The following PCDHGA7 variants were observed in gnomAD, a reference collection of about 807,000 sequenced individuals.
PCDHGA7 encodes the protein protocadherin gamma subfamily A, 7.
A neutral mutation model predicts 58.3 loss-of-function variants in PCDHGA7; 44 were observed. The observed-to-expected ratio is 0.75, with a 90% CI of 0.59 to 0.97. The LOEUF is 0.97. Among genes scored for constraint, PCDHGA7 ranks in the 50% least tolerant of loss-of-function variants. The pLI, the probability that PCDHGA7 is intolerant of heterozygous loss-of-function variation, is 0.00. For missense variants in PCDHGA7, 1,266 were observed against 1,188.7 expected, an observed-to-expected ratio of 1.06 and a Z score of -0.96; for synonymous variants, 516 against 504.2, an observed-to-expected ratio of 1.02 and a Z score of -0.31.
In PCDHGA7 at chr5:141,393,591, C is replaced by T. The variant is rs369860953; in HGVS notation, c.2424+8268C>T. On this transcript the variant is annotated intron_variant, in intron 1 of 3. Coordinates refer to ENST00000518325, the MANE Select transcript of PCDHGA7 (RefSeq NM_018920.4). ...CCTTGAGAACATGCCCCCAGGCACG[C>T]GGCTGCTTACTGTAACAGCCAGCGA... The T allele has an allele frequency of 1.8e-5, 29 of 1,613,882 alleles. No homozygotes were observed. The Middle Eastern group carries it at 4.9e-4, about 28-fold the overall frequency.
chr5:141,390,321 C>A (rs776100029), intron 1 of PCDHGA7: 1 of 1,606,964 alleles, frequency 6.2e-7, no homozygotes, highest in Non-Finnish European at 8.5e-7. Context: ...TCATTGCCTA[C>A]CCATTTCTCC....
intron 1 of PCDHGA7, among the ~76,000 whole-genome samples, chr5:141,471,992 C>T (rs2099268578): frequency 6.6e-6 from 1 of 152,070 alleles, no homozygotes; most frequent in Non-Finnish European, 1.5e-5. Flanking sequence ...TATTAAAAAT[C>T]CCTGCATCGT....
intron 1 of PCDHGA7, among the ~76,000 whole-genome samples, chr5:141,439,537 C>T (rs1404605731): frequency 6.6e-6 from 1 of 152,206 alleles, no homozygotes; most frequent in African/African-American, 2.4e-5. Flanking sequence ...GAACGCTGTC[C>T]TCTCATTTCT....
intron 1 of PCDHGA7, among the ~76,000 whole-genome samples, chr5:141,438,872 G>T (rs13178044): frequency 0.11 from 16,734 of 151,118 alleles, 1,094 homozygotes; most frequent in African/African-American, 0.17. Flanking sequence ...CATCAAGTTG[G>T]CCAGGCTGCT....
intron 1 of PCDHGA7, chr5:141,410,157 C>T: frequency 6.2e-7 from 1 of 1,613,546 alleles, no homozygotes; most frequent in Non-Finnish European, 8.5e-7. Context: ...GGTGGACAGC[C>T]GCCACTCTCT....
chr5:141,420,187 C>G (rs1369031488), intron 1 of PCDHGA7: 1 of 1,613,706 alleles, frequency 6.2e-7, no homozygotes, highest in East Asian at 2.2e-5. Context: ...ATTGTCCAGC[C>G]ACACAAGATA....
Position 141,418,737 on chromosome 5 carries a change from C to T in PCDHGA7, c.2424+33414C>T, listed in dbSNP as rs768683069. 7.4e-6 allele frequency: 12 copies of T among 1,613,960 alleles called. No homozygotes were observed. The South Asian group carries it at 1.3e-4, about 18-fold the overall frequency. ...GCTGACAAAGCTCAGCACGTGTTCT[C>T]TCTGGATTACACTACAGGAAACATT... On this transcript the variant is annotated intron_variant, in intron 1 of 3. Coordinates refer to ENST00000518325, the MANE Select transcript of PCDHGA7 (RefSeq NM_018920.4).
chr5:141,403,196 G>C lies in PCDHGA7; in HGVS notation c.2424+17873G>C, dbSNP rs762413220. 13 of 1,613,868 alleles carry C rather than the reference G, an allele frequency of 8.1e-6. No individual in the cohort carries two copies. The highest frequency in any genetic ancestry group is 1.6e-4 in the Middle Eastern group (1 of 6,078). On this transcript the variant is annotated intron_variant, in intron 1 of 3. Transcript: ENST00000518325. ...GCTTTTCTCTCTGAACCCGCGCAGC[G>C]GCACCTTGGTCACCGCGGGTAGGAT...
intron 1 of PCDHGA7, chr5:141,398,388 C>G: frequency 6.9e-7 from 1 of 1,454,974 alleles, no homozygotes; most frequent in African/African-American, 1.4e-5. Flanking sequence ...TGCTTGTGAG[C>G]AGCAGGCTAG....
intron 1 of PCDHGA7, among the ~76,000 whole-genome samples, chr5:141,483,057 C>T (rs1329609397): frequency 6.6e-6 from 1 of 152,028 alleles, no homozygotes; most frequent in African/African-American, 2.4e-5. Flanking sequence ...TGCACTCCAG[C>T]ATGGGCAACA....
intron 1 of PCDHGA7, chr5:141,409,471 A>G (rs2095271616): frequency 1.2e-6 from 2 of 1,613,860 alleles, no homozygotes; most frequent in Non-Finnish European, 1.7e-6. Flanking sequence ...TCACCATCGT[A>G]GCCACTGACA....
chr5:141,383,553 C>T lies in PCDHGA7; in HGVS notation c.654C>T (p.Gly218=), dbSNP rs765903383. Residue 218 remains glycine, a synonymous_variant, in exon 1 of 4, where the codon GGC becomes GGT. Coordinates refer to ENST00000518325, the MANE Select transcript of PCDHGA7 (RefSeq NM_018920.4). ...HHLVLTASDG[G]DPPRSSTAHI... is the part of the protein sequence containing the mutation. ...TGGTCCTCACAGCCTCTGATGGCGG[C>T]GACCCGCCCCGATCCAGCACCGCCC... 3 of 1,612,130 alleles carry T rather than the reference C, an allele frequency of 1.9e-6. No individual in the cohort carries two copies. The highest frequency in any genetic ancestry group is 2.2e-5 in the South Asian group (2 of 90,882).
intron 1 of PCDHGA7, among the ~76,000 whole-genome samples, chr5:141,452,165 C>G (rs917431071): frequency 2.6e-5 from 4 of 152,120 alleles, no homozygotes; most frequent in African/African-American, 9.7e-5. Flanking sequence ...TATTCTATTA[C>G]TAACATTTTT....
chr5:141,418,517 C>G, intron 1 of PCDHGA7: 1 of 1,613,918 alleles, frequency 6.2e-7, no homozygotes. Flanking sequence ...TGGTGGGGAC[C>G]CTCCCCGAAG....
rs1212381177 is a variant in PCDHGA7 at position 141,438,571 on chromosome 5, TATACATAC to T, written c.2424+53264_2424+53271del. On this transcript the variant is annotated intron_variant, in intron 1 of 3. Coordinates refer to ENST00000518325, the MANE Select transcript of PCDHGA7 (RefSeq NM_018920.4). Reference sequence around the variant, plus strand: ...GCCCTAATAAGAGGCAGCTGTCTGATATACATACATACATACATACATATATATATATA... The same window carrying T: ...GCCCTAATAAGAGGCAGCTGTCTGATATACATACATACATATATATATATA... Among the ~76,000 whole-genome samples the T allele has an allele frequency of 2.8e-4, 26 of 94,536 alleles. 1 individual carries two copies. Among genetic ancestry groups the T allele is most frequent in the South Asian group, 1.0e-3 (3 of 2,950 alleles). 62.0% of individuals were successfully genotyped at this position (94,536 alleles called of 152,430 possible). A position where few individuals can be genotyped will look rare whatever the true frequency, so the allele number is the denominator to read the frequency against.
In PCDHGA7 at chr5:141,491,607, T is replaced by G; in HGVS notation, c.2425-3200T>G. On this transcript the variant is annotated intron_variant, in intron 1 of 3. Coordinates refer to ENST00000518325, the MANE Select transcript of PCDHGA7 (RefSeq NM_018920.4). The surrounding 1 kb of genome is among the most constrained non-coding windows in gnomAD (Gnocchi z 6.9). ...CCTCGGACGGCAGTGACTTCACTTT[T>G]CTAAGACCCCTCAGCGTTCAGCAGC... 6.2e-7 allele frequency: 1 copy of G among 1,613,932 alleles called. No homozygotes were observed. The highest frequency in any genetic ancestry group is 1.1e-5 in the South Asian group (1 of 91,084).
At chr5:141,435,800 A>G (rs530461064) in intron 1 of PCDHGA7, among the ~76,000 whole-genome samples, 20 of 152,128 alleles carry the variant, frequency 1.3e-4, no homozygotes, top group Non-Finnish European at 2.6e-4. Flanking sequence ...ATAACGTCCC[A>G]ATTATTTTTT....
At chr5:141,403,776 G>A (rs1312851147) in intron 1 of PCDHGA7, 1 of 1,613,926 alleles carries the variant, frequency 6.2e-7, no homozygotes, top group East Asian at 2.2e-5. Flanking sequence ...GGAATCAACG[G>A]AAAAGTGGCA....
intron 1 of PCDHGA7, chr5:141,404,204 T>A: frequency 6.2e-7 from 1 of 1,613,718 alleles, no homozygotes; most frequent in Non-Finnish European, 8.5e-7. Context: ...AGCCTCAGAA[T>A]ATAATATCAC....
Sources: gnomAD v4.1 joint callset for allele counts (sites outside exome capture counted in the v4.1 genomes callset) on GRCh38, gnomAD v4.1.1 for gene constraint, Gnocchi (gnomAD v3.1) non-coding constraint, MANE v1.5 for transcripts, NCBI Gene and HGNC (gene_info 2026-07-23, HGNC 2026-07-21) for gene names.